The following USP35 variants were observed in gnomAD, a reference collection of about 807,000 sequenced individuals.
USP35 encodes the protein ubiquitin carboxyl-terminal hydrolase 35.
A neutral mutation model predicts 83.8 loss-of-function variants in USP35; 69 were observed. The observed-to-expected ratio is 0.82, with a 90% confidence interval of 0.68 to 1.01. The LOEUF (loss-of-function observed/expected upper bound fraction) is 1.01, where lower values mean the gene tolerates loss of function less well. Among genes scored for constraint, USP35 ranks in the 50% least tolerant of loss-of-function variants. The pLI is 0.00. For synonymous variants in USP35, 714 were observed against 589.5 expected, an observed-to-expected ratio of 1.21 and a Z score of -3.06; for missense variants, 1,503 against 1,362.5, an observed-to-expected ratio of 1.10 and a Z score of -1.62.
Position 78,210,208 on chromosome 11 carries a change from T to G in USP35, c.2353T>G (p.Cys785Gly). The change falls in exon 10 of 11, where the codon TGT (cysteine) becomes GGT (glycine). Residue 785 changes from cysteine to glycine, a missense_variant. Coordinates refer to ENST00000529308, the MANE Select transcript of USP35 (RefSeq NM_020798.4). ...AGAAAACCGCTACTACTGCGAGTCGTGTGCCTCCCTGCAGGATGCCGAGAA... is the reference window on the plus strand; with the variant it reads ...AGAAAACCGCTACTACTGCGAGTCGGGTGCCTCCCTGCAGGATGCCGAGAA... Reference protein sequence around the residue: ...TAENRYYCESCASLQDAEKVV... With the variant: ...TAENRYYCESGASLQDAEKVV... 1.9e-6 allele frequency: 3 copies of G among 1,613,938 alleles called. No homozygotes were observed. The highest frequency in any genetic ancestry group is 2.5e-6 in the Non-Finnish European group (3 of 1,179,996).
At chr11:78,219,994 C>A (rs1864339769), downstream of USP35, among the ~76,000 whole-genome samples, 1 of 152,142 alleles carries the variant, frequency 6.6e-6, no homozygotes, top group Admixed American at 6.5e-5. Flanking sequence ...GAGGCAGTAT[C>A]CTCATTCCTG....
intron 8 of USP35, among the ~76,000 whole-genome samples, chr11:78,208,479 A>AG (rs746822144): frequency 2.0e-5 from 3 of 152,088 alleles, no homozygotes; most frequent in African/African-American, 4.8e-5. Flanking sequence ...TGGCTCATGG[A>AG]GGGAAGGGAA....
Position 78,210,398 on chromosome 11 carries a change from G to A in USP35, c.2543G>A (p.Cys848Tyr). The change falls in exon 10 of 11, where the codon TGC becomes TAC. Residue 848 changes from cysteine (C) to tyrosine (Y), a missense_variant. Coordinates refer to ENST00000529308, the MANE Select transcript of USP35 (RefSeq NM_020798.4). ...AGGRGQAYDL[C>Y]SVVVHSGVSS... ...GGCCGTGGCCAGGCCTATGACCTCT[G>A]CAGTGTGGTGGTGCACTCTGGAGTG... 6.2e-7 allele frequency: 1 copy of A among 1,613,918 alleles called. No individual in the cohort carries two copies. Among genetic ancestry groups the A allele is most frequent in the Non-Finnish European group, 8.5e-7 (1 of 1,180,040 alleles).
chr11:78,210,721 A>G lies in USP35; in HGVS notation c.2866A>G (p.Lys956Glu), dbSNP rs764034784. 3 of 1,567,944 alleles carry G rather than the reference A, an allele frequency of 1.9e-6. No homozygotes were observed. The highest frequency in any genetic ancestry group is 2.6e-6 in the Non-Finnish European group (3 of 1,154,808). Reference sequence around the variant, plus strand: ...CAAGGACTTGATGGAAGCCATTTCCAAAGACAACATCCTTTACCTACAGGT... The same window carrying G: ...CAAGGACTTGATGGAAGCCATTTCCGAAGACAACATCCTTTACCTACAGGT... ...LHKDLMEAIS[K>E]DNILYLQEQE... Residue 956 changes from lysine to glutamate, a missense_variant, in exon 10 of 11, where the codon AAA (lysine) becomes GAA (glutamate). Coordinates refer to ENST00000529308, the MANE Select transcript of USP35 (RefSeq NM_020798.4).
At chr11:78,225,205 GAC>G in the USP35 span, 8 of 1,593,336 alleles carry the variant, frequency 5.0e-6, no homozygotes, top group Non-Finnish European at 6.9e-6. Flanking sequence ...GGAAGAAGCT[GAC>G]AGAGGAAGGA....
chr11:78,223,395 G>A, the USP35 span: 4 of 1,505,048 alleles, frequency 2.7e-6, no homozygotes, highest in South Asian at 1.4e-5. Flanking sequence ...ATGGGACAGG[G>A]GAAAGAATGG....
the USP35 span, among the ~76,000 whole-genome samples, chr11:78,231,532 T>C: frequency 1.3e-5 from 2 of 152,194 alleles, no homozygotes; most frequent in African/African-American, 4.8e-5. Context: ...GTATATTTAG[T>C]AGAGACGGGG....
the USP35 span, among the ~76,000 whole-genome samples, chr11:78,224,372 A>G: frequency 6.6e-6 from 1 of 152,044 alleles, no homozygotes; most frequent in African/African-American, 2.4e-5. Flanking sequence ...AACAAGGAGC[A>G]TATTAGGAGT....
the USP35 span, among the ~76,000 whole-genome samples, chr11:78,230,553 G>C: frequency 4.6e-5 from 7 of 152,238 alleles, no homozygotes; most frequent in East Asian, 1.3e-3. Context: ...CCTTATGTCA[G>C]TTATTCAGGT....
chr11:78,209,701 C>T lies in USP35; in HGVS notation c.1846C>T (p.Arg616Cys), dbSNP rs747602146. 9.9e-6 allele frequency: 16 copies of T among 1,613,852 alleles called. No individual in the cohort carries two copies. Among genetic ancestry groups the T allele is most frequent in the Admixed American group, 1.7e-5 (1 of 59,982 alleles). ...CRRRRLGSVM[R>C]PTEDITAREL... ...CCGCCGCCGCCTGGGCTCTGTGATG[C>T]GCCCCACAGAAGACATCACAGCCCG... The change falls in exon 10 of 11, where the codon CGC (arginine) becomes TGC (cysteine). Residue 616 changes from arginine to cysteine, a missense_variant. Coordinates refer to ENST00000529308, the MANE Select transcript of USP35 (RefSeq NM_020798.4).
At position 78,198,643 on chromosome 11, in the gene USP35, C is replaced by T. The variant is rs1318280647; in HGVS notation, c.806+575C>T. The T allele has an allele frequency of 6.1e-6, 6 of 985,310 alleles. No individual in the cohort carries two copies. The Admixed American group carries it at 1.8e-4, about 30-fold the overall frequency. The allele number at this position is 985,310 out of a possible 1,614,324, so 61.0% of individuals were successfully genotyped here. On this transcript the variant is annotated intron_variant, in intron 3 of 10. Transcript: ENST00000529308. ...CCTCCCTCTGCCATTCTTTCCATCC[C>T]GTGTGCAGATCCACCGTCTTCGTAG...
intron 10 of USP35, among the ~76,000 whole-genome samples, 177 bp from the exon 11 acceptor site, chr11:78,213,468 CT>C (rs1863886625): frequency 7.5e-6 from 1 of 134,050 alleles, no homozygotes; most frequent in South Asian, 2.1e-4. Flanking sequence ...AGGAGGGGGT[CT>C]TTTGAAGTCT....
chr11:78,222,533 A>G, the USP35 span, among the ~76,000 whole-genome samples: 1 of 148,174 alleles, frequency 6.7e-6, no homozygotes, highest in Admixed American at 6.8e-5. Flanking sequence ...ATATATTTAT[A>G]TATTAATATA....
At chr11:78,220,137 G>A (rs1864348625), downstream of USP35, among the ~76,000 whole-genome samples, 2 of 152,178 alleles carry the variant, frequency 1.3e-5, no homozygotes, top group African/African-American at 4.8e-5. Context: ...CTGAGAGCAG[G>A]AATAGGAGTC....
chr11:78,207,068 A>T (rs1404767640), intron 7 of USP35, among the ~76,000 whole-genome samples: 3 of 152,122 alleles, frequency 2.0e-5, no homozygotes, highest in Non-Finnish European at 4.4e-5. Context: ...AGTCGATTGG[A>T]GGGCCCAGGT....
intron 10 of USP35, among the ~76,000 whole-genome samples, chr11:78,212,695 T>G (rs1007780626): frequency 2.0e-5 from 3 of 152,198 alleles, no homozygotes; most frequent in Non-Finnish European, 4.4e-5. Context: ...CCCTGCTTCT[T>G]GTTGGTGTAT....
Position 78,210,584 on chromosome 11 carries a change from C to A in USP35, c.2729C>A (p.Thr910Asn). 1 of 1,613,992 alleles carries A rather than the reference C, an allele frequency of 6.2e-7. No individual in the cohort carries two copies. The highest frequency in any genetic ancestry group is 8.5e-7 in the Non-Finnish European group (1 of 1,179,830). Residue 910 changes from threonine to asparagine, a missense_variant, in exon 10 of 11, where the codon ACC becomes AAC. Transcript: ENST00000529308. ...TCCTTCGAATCTGTCAGCAACGTCA[C>A]CTCCTTCTTCCCTAAGGACACAGCC... The part of the protein sequence containing the change: ...FSSFESVSNV[T>N]SFFPKDTAYV...
At chr11:78,200,298 C>A in intron 5 of USP35, 64 bp downstream of exon 5, 1 of 1,533,892 alleles carries the variant, frequency 6.5e-7, no homozygotes. Flanking sequence ...AAGGGCCCTG[C>A]CTACTGCCCC....
rs1219776370 is a variant in USP35 at position 78,199,576 on chromosome 11, C to G, written c.807-19C>G. 6.2e-7 allele frequency: 1 copy of G among 1,614,114 alleles called. No homozygotes were observed. Among genetic ancestry groups the G allele is most frequent in the Middle Eastern group, 1.7e-4 (1 of 6,060 alleles). ...TTGGGTGTCCCTTGTCCCTGTGTCACTGTCACTCCCCTCACCAGGATGATT... is the reference window on the plus strand; with the variant it reads ...TTGGGTGTCCCTTGTCCCTGTGTCAGTGTCACTCCCCTCACCAGGATGATT... On this transcript the variant is annotated intron_variant, in intron 3 of 10. Coordinates refer to ENST00000529308, the MANE Select transcript of USP35 (RefSeq NM_020798.4).
Sources: allele counts gnomAD v4.1 joint callset (sites outside exome capture counted in the v4.1 genomes callset), GRCh38; gene constraint gnomAD v4.1.1; transcripts MANE v1.5; gene names NCBI Gene and HGNC (gene_info 2026-07-23, HGNC 2026-07-21).